PTGR1: variants seen among roughly 807,000 people sequenced by gnomAD.
PTGR1 encodes 15-oxoprostaglandin 13-reductase.
Under a neutral mutation model 37.7 loss-of-function variants are expected in PTGR1, and 23 were observed. The ratio of observed to expected loss-of-function variants is 0.61; its 90% CI spans 0.44 to 0.86. PTGR1 has a LOEUF of 0.86. PTGR1 is among the 40% of genes least tolerant of loss of function. The probability of loss-of-function intolerance (pLI) is 0.00; values close to 1 mark genes in which losing one functional copy is unlikely to be tolerated. For synonymous variants in PTGR1, 134 were observed against 140.0 expected (o/e 0.96, Z 0.30); for missense variants, 351 against 394.3 (o/e 0.89, Z 0.93).
chr9:111,599,458 A>C (rs1341939071), intron 1 of PTGR1, 145 bp downstream of exon 1: 1 of 152,370 alleles, frequency 6.6e-6, no homozygotes, highest in African/African-American at 2.4e-5. Context: ...CTCCGAGTGC[A>C]AGACCCAGCG....
downstream of PTGR1, among the ~76,000 whole-genome samples, chr9:111,559,303 C>T (rs1828208616): frequency 6.6e-6 from 1 of 152,146 alleles, no homozygotes; most frequent in South Asian, 2.1e-4. Flanking sequence ...CAAGCTGCCC[C>T]CAGGCACGAT....
At chr9:111,578,034 G>A (rs1273379575) in intron 7 of PTGR1, among the ~76,000 whole-genome samples, 1 of 151,928 alleles carries the variant, frequency 6.6e-6, no homozygotes. Context: ...TAAACTGGTT[G>A]TACAATTTTG....
At chr9:111,590,200 T>C (rs966285172) in intron 4 of PTGR1, among the ~76,000 whole-genome samples, 7 of 151,810 alleles carry the variant, frequency 4.6e-5, no homozygotes, top group Non-Finnish European at 8.8e-5. Context: ...CAGAAGAAAA[T>C]TGAGAATTAA....
intron 9 of PTGR1, chr9:111,564,207 A>G (rs1385466132): frequency 2.8e-6 from 3 of 1,071,030 alleles, no homozygotes; most frequent in Middle Eastern, 2.6e-4. Context: ...AGCACTCTTC[A>G]TGGATTTATA....
At chr9:111,549,956 C>T (rs538108986) in intron 9 of PTGR1, among the ~76,000 whole-genome samples, 2 of 152,204 alleles carry the variant, frequency 1.3e-5, no homozygotes, top group Admixed American at 1.3e-4. Context: ...TTGTATGCAT[C>T]GTGATTGTTT....
At chr9:111,594,612 G>A (rs1248517234) in intron 2 of PTGR1, among the ~76,000 whole-genome samples, 2 of 139,550 alleles carry the variant, frequency 1.4e-5, no homozygotes, top group South Asian at 2.3e-4. Context: ...GTGCAGTGGC[G>A]TGATCTTGGC....
At chr9:111,570,069 G>C (rs1828741258) in intron 9 of PTGR1, 22 bp downstream of exon 9, 1 of 1,613,662 alleles carries the variant, frequency 6.2e-7, no homozygotes, top group Admixed American at 1.7e-5. Flanking sequence ...CAATTGGAAG[G>C]GGTGGCTCCG....
intron 2 of PTGR1, 62 bp from the exon 3 acceptor site, chr9:111,594,329 C>G: frequency 1.4e-6 from 2 of 1,414,932 alleles, no homozygotes; most frequent in Non-Finnish European, 2.0e-6. Flanking sequence ...ACAATAGACA[C>G]TGAGCACCAC....
intron 9 of PTGR1, among the ~76,000 whole-genome samples, chr9:111,556,742 G>A (rs530834343): frequency 3.9e-5 from 6 of 152,304 alleles, no homozygotes; most frequent in Middle Eastern, 3.4e-3. Context: ...GAAGTGTGTA[G>A]CATTTCCCCC....
chr9:111,567,519 G>A (rs575456270), intron 9 of PTGR1, among the ~76,000 whole-genome samples: 49 of 152,164 alleles, frequency 3.2e-4, no homozygotes, highest in Non-Finnish European at 5.3e-4. Context: ...TGCAGGACGT[G>A]AGAGAATTCA....
intron 9 of PTGR1, among the ~76,000 whole-genome samples, chr9:111,556,407 T>C (rs1311577097): frequency 6.6e-6 from 1 of 152,220 alleles, no homozygotes; most frequent in Admixed American, 6.5e-5. Context: ...TTCTCACAGC[T>C]CCACTGTGTA....
intron 8 of PTGR1, among the ~76,000 whole-genome samples, chr9:111,570,880 G>T (rs753030502): frequency 5.9e-5 from 9 of 152,152 alleles, no homozygotes; most frequent in Non-Finnish European, 1.3e-4. Flanking sequence ...GGGAATGAGG[G>T]ATACAGGAAA....
At chr9:111,588,015 TTC>T (rs1290196991) in intron 4 of PTGR1, among the ~76,000 whole-genome samples, 2 of 150,856 alleles carry the variant, frequency 1.3e-5, no homozygotes, top group South Asian at 2.1e-4. Context: ...TTATTATTTT[TTC>T]TTTTTTTTTT....
intron 9 of PTGR1, among the ~76,000 whole-genome samples, chr9:111,554,436 T>C (rs1215804405): frequency 6.6e-6 from 1 of 152,226 alleles, no homozygotes; most frequent in Non-Finnish European, 1.5e-5. Flanking sequence ...CAGTCTGTTC[T>C]TTCGGTCACC....
chr9:111,561,591 A>G (rs1828323210), downstream of PTGR1, among the ~76,000 whole-genome samples: 1 of 152,158 alleles, frequency 6.6e-6, no homozygotes, highest in Non-Finnish European at 1.5e-5. Flanking sequence ...TTTTCTTCAT[A>G]TAAATCTTGC....
At position 111,563,190 on chromosome 9, in the gene PTGR1, T is replaced by C. The variant is rs776584363; in HGVS notation, c.921A>G (p.Glu307=). The change falls in exon 10 of 10, where the codon GAA becomes GAG. Residue 307 remains glutamate (E), a synonymous_variant. Coordinates refer to ENST00000407693, the MANE Select transcript of PTGR1 (RefSeq NM_001146108.2). ...QYKEYIIEGF[E]NMPAAFMGML... The stretch of plus-strand genomic sequence containing the variant: ...TTCCCATAAATGCAGCTGGCATGTT[T>C]TCAAATCCTTCAATGATATATTCCT... 2 of 1,613,892 alleles carry C rather than the reference T, an allele frequency of 1.2e-6. No individual in the cohort carries two copies. Among genetic ancestry groups the C allele is most frequent in the African/African-American group, 2.7e-5 (2 of 74,954 alleles).
chr9:111,556,400 TCA>T (rs1246120276), intron 9 of PTGR1, among the ~76,000 whole-genome samples: 1 of 152,234 alleles, frequency 6.6e-6, no homozygotes, highest in Non-Finnish European at 1.5e-5. Context: ...GGCCATCTTC[TCA>T]CAGCTCCACT....
downstream of PTGR1, among the ~76,000 whole-genome samples, chr9:111,560,713 G>A (rs1395966375): frequency 6.7e-6 from 1 of 148,460 alleles, no homozygotes; most frequent in Non-Finnish European, 1.5e-5. Context: ...GGAGGCCGAG[G>A]TGGCCGGATC....
At chr9:111,581,059 A>T (rs1180906233) in intron 6 of PTGR1, among the ~76,000 whole-genome samples, 1 of 152,280 alleles carries the variant, frequency 6.6e-6, no homozygotes, top group East Asian at 1.9e-4. Context: ...ATTCAAAAGG[A>T]TACTGCATTA....
Sources: gnomAD v4.1 joint callset for allele counts (sites outside exome capture counted in the v4.1 genomes callset) on GRCh38, gnomAD v4.1.1 for gene constraint, MANE v1.5 for transcripts, NCBI Gene and HGNC (gene_info 2026-07-23, HGNC 2026-07-21) for gene names.